Variants in EPB41L1 observed in about 807,000 individuals in gnomAD.
EPB41L1 encodes the protein erythrocyte membrane protein band 4.1 like 1, also known as band 4.1-like protein 1.
A neutral mutation model predicts 97.8 loss-of-function variants in EPB41L1; 29 were observed. The ratio of observed to expected loss-of-function variants is 0.30; its 90% CI spans 0.22 to 0.40. EPB41L1 has a LOEUF of 0.40. EPB41L1 is among the 10% of genes least tolerant of loss of function. The pLI is 1.00. For missense variants in EPB41L1, 812 were observed against 1,162.3 expected (o/e 0.70, Z 4.38); for synonymous variants, 383 against 459.2 (o/e 0.83, Z 2.12).
intron 3 of EPB41L1, 25 bp downstream of exon 3, chr20:36,175,740 G>A: frequency 1.2e-6 from 2 of 1,613,468 alleles, no homozygotes; most frequent in Non-Finnish European, 1.7e-6. Context: ...AGTGCCATAT[G>A]TCCCGTCCCC....
intron 1 of EPB41L1, among the ~76,000 whole-genome samples, chr20:36,169,921 G>A (rs559162233): frequency 5.9e-5 from 9 of 152,282 alleles, no homozygotes; most frequent in East Asian, 3.9e-4. Context: ...CCAGCTCCTC[G>A]GGAACCAGCA....
Position 36,143,133 on chromosome 20 carries a change from GTGTT to G in EPB41L1, c.-10+30657_-10+30660del, listed in dbSNP as rs778391126. On this transcript the variant is annotated intron_variant, in intron 2 of 19. Transcript: ENST00000202028. ...TGGTTGTGGCTATGTGAGGGAGGGT[GTGTT>G]TGTGTGTGTGTGTGTGTGTGTGTGT... 7.5e-3 allele frequency among the ~76,000 whole-genome samples: 1,005 copies of G among 133,182 alleles called. 6 individuals are homozygous for G. The highest frequency in any genetic ancestry group is 0.016 in the Middle Eastern group (4 of 258). The allele number at this position is 133,182 out of a possible 152,430, so 87.4% of individuals were successfully genotyped here. A position where few individuals can be genotyped will look rare whatever the true frequency, so the allele number is the denominator to read the frequency against.
Position 36,232,260 on chromosome 20 carries a change from C to G in EPB41L1, c.*2920C>G. ...TTTTTGTTTCTCATCCTCTCTGTGC[C>G]ACCTCTCCACCCAGGAGGCCATGTA... On this transcript the variant is annotated 3_prime_UTR_variant, in exon 22 of 22. Transcript: ENST00000338074. 4.3e-6 allele frequency: 1 copy of G among 232,724 alleles called. No individual in the cohort carries two copies. Among genetic ancestry groups the G allele is most frequent in the Non-Finnish European group, 8.2e-6 (1 of 121,492 alleles). The allele number at this position is 232,724 out of a possible 1,614,324, so 14.4% of individuals were successfully genotyped here. A position where few individuals can be genotyped will look rare whatever the true frequency, so the allele number is the denominator to read the frequency against.
At chr20:36,131,630 C>T (rs1439880525) in intron 2 of EPB41L1, among the ~76,000 whole-genome samples, 1 of 152,082 alleles carries the variant, frequency 6.6e-6, no homozygotes, top group African/African-American at 2.4e-5. Flanking sequence ...CTCACAGGGT[C>T]CCTGTGAGGC....
At chr20:36,119,414 C>A (rs2058680145) in intron 2 of EPB41L1, among the ~76,000 whole-genome samples, 1 of 151,998 alleles carries the variant, frequency 6.6e-6, no homozygotes, top group African/African-American at 2.4e-5. Context: ...AACAGCCTGG[C>A]CAACATGTGA....
At chr20:36,130,342 G>C (rs2059150037) in intron 2 of EPB41L1, among the ~76,000 whole-genome samples, 1 of 152,024 alleles carries the variant, frequency 6.6e-6, no homozygotes, top group Non-Finnish European at 1.5e-5. Context: ...ATATGATTGG[G>C]AGCTTGGAGT....
chr20:36,211,186 A>G (rs138373346), intron 15 of EPB41L1, among the ~76,000 whole-genome samples: 110 of 152,004 alleles, frequency 7.2e-4, no homozygotes, highest in Middle Eastern at 6.8e-3. Context: ...CAGGAGTTCA[A>G]GACCACCCTG....
chr20:36,188,621 CACACACACACACACACACACAG>C (rs1179724017), intron 9 of EPB41L1, 122 bp downstream of exon 9: 31 of 672,664 alleles, frequency 4.6e-5, no homozygotes, highest in African/African-American at 2.3e-4. Context: ...CACACACACA[CACACACACACACACACACACAG>C]AGAGAGAGAG....
At chr20:36,165,918 C>G (rs771823070) in intron 1 of EPB41L1, among the ~76,000 whole-genome samples, 2 of 152,250 alleles carry the variant, frequency 1.3e-5, no homozygotes, top group African/African-American at 2.4e-5. Flanking sequence ...GGGAAGAACT[C>G]TGGAGTCAGA....
intron 3 of EPB41L1, among the ~76,000 whole-genome samples, chr20:36,177,552 T>C (rs1271435013): frequency 1.3e-5 from 2 of 152,180 alleles, no homozygotes; most frequent in Non-Finnish European, 2.9e-5. Context: ...TTCTGTCATA[T>C]TCCAGGGGCG....
At chr20:36,102,390 G>A (rs1221806592) in intron 1 of EPB41L1, among the ~76,000 whole-genome samples, 2 of 152,186 alleles carry the variant, frequency 1.3e-5, no homozygotes, top group African/African-American at 4.8e-5. Flanking sequence ...GGAGCCTAAC[G>A]TCTAGAGAAA....
Position 36,187,434 on chromosome 20 carries a change from C to T in EPB41L1, c.786-242C>T, listed in dbSNP as rs1268636099. Among the ~76,000 whole-genome samples the T allele has an allele frequency of 2.6e-5, 4 of 152,328 alleles. No homozygotes were observed. The East Asian group carries it at 5.8e-4, about 22-fold the overall frequency. ...CAAAAATCCTGACTCCCAGCTCAGC[C>T]TTTGTATGATCCCTGGACTAACAAG... On this transcript the variant is annotated intron_variant, in intron 7 of 21. Transcript: ENST00000338074.
intron 2 of EPB41L1, among the ~76,000 whole-genome samples, chr20:36,115,044 C>T (rs199951910): frequency 1.3e-5 from 2 of 152,180 alleles, no homozygotes; most frequent in East Asian, 3.8e-4. Flanking sequence ...ACAATAATAA[C>T]AATAGCTAAT....
At chr20:36,187,601 G>T in intron 7 of EPB41L1, 75 bp from the exon 8 acceptor site, 1 of 1,191,806 alleles carries the variant, frequency 8.4e-7, no homozygotes, top group South Asian at 1.3e-5. Context: ...GGGTTCTGAT[G>T]GTGGGCACCT....
intron 2 of EPB41L1, among the ~76,000 whole-genome samples, chr20:36,136,823 A>G (rs1203601672): frequency 6.6e-6 from 1 of 151,710 alleles, no homozygotes; most frequent in Admixed American, 6.6e-5. Flanking sequence ...GCTTCAAGTA[A>G]TCCTCCTGCC....
chr20:36,178,325 C>G (rs1369513702), intron 4 of EPB41L1, among the ~76,000 whole-genome samples: 7 of 152,178 alleles, frequency 4.6e-5, no homozygotes, highest in Admixed American at 4.6e-4. Flanking sequence ...TAGAGCTTCT[C>G]CCCTACCCTT....
intron 2 of EPB41L1, among the ~76,000 whole-genome samples, chr20:36,136,688 CA>C (rs1264032944): frequency 6.6e-6 from 1 of 151,460 alleles, no homozygotes; most frequent in Non-Finnish European, 1.5e-5. Flanking sequence ...TGAACTTCAG[CA>C]GTCCACCTGC....
chr20:36,205,257 G>A (rs960136437), intron 14 of EPB41L1, among the ~76,000 whole-genome samples: 9 of 152,194 alleles, frequency 5.9e-5, no homozygotes, highest in Non-Finnish European at 1.3e-4. Context: ...GTCACAGTTG[G>A]CACCCATATT....
At chr20:36,201,212 T>C (rs2062477878) in intron 14 of EPB41L1, among the ~76,000 whole-genome samples, 1 of 152,226 alleles carries the variant, frequency 6.6e-6, no homozygotes, top group Non-Finnish European at 1.5e-5. Flanking sequence ...GGGACAGGAC[T>C]GCAACCATTC....
Sources: gnomAD v4.1 joint callset for allele counts (sites outside exome capture counted in the v4.1 genomes callset) on GRCh38, gnomAD v4.1.1 for gene constraint, MANE v1.5 for transcripts, NCBI Gene and HGNC (gene_info 2026-07-23, HGNC 2026-07-21) for gene names.